Variants in SLC9C2 observed in about 807,000 individuals in gnomAD.
The protein encoded by SLC9C2 is solute carrier family 9 member C2 (putative).
In SLC9C2, 75 loss-of-function variants were observed where a neutral mutation model predicts 140.2. That is an observed-to-expected ratio of 0.53 (90% CI 0.44 to 0.65). The LOEUF is 0.65. Ranked by LOEUF, SLC9C2 falls within the 30% of genes least tolerant of loss-of-function variation. The probability of loss-of-function intolerance (pLI) is 0.00; values close to 1 mark genes in which losing one functional copy is unlikely to be tolerated. For synonymous variants in SLC9C2, 375 were observed against 420.9 expected (o/e 0.89, Z 1.34); for missense variants, 1,074 against 1,331.8 (o/e 0.81, Z 3.01).
chr1:173,529,114 G>A (rs555749658), intron 18 of SLC9C2, among the ~76,000 whole-genome samples: 1 of 152,262 alleles, frequency 6.6e-6, no homozygotes, highest in East Asian at 1.9e-4. Flanking sequence ...TAGATGGGTT[G>A]AACAGAAGAA....
intron 14 of SLC9C2, 94 bp from the exon 15 acceptor site, chr1:173,536,043 T>A: frequency 9.0e-7 from 1 of 1,113,286 alleles, no homozygotes; most frequent in Non-Finnish European, 1.2e-6. Flanking sequence ...AGTATAAATT[T>A]AATATGGACC....
At chr1:173,508,015 C>T (rs559925905) in intron 24 of SLC9C2, among the ~76,000 whole-genome samples, 1 of 152,242 alleles carries the variant, frequency 6.6e-6, no homozygotes, top group East Asian at 1.9e-4. Context: ...CATCTCCACC[C>T]CCATTCAGGG....
At chr1:173,598,150 G>T in intron 3 of SLC9C2, 118 bp from the exon 4 acceptor site, 1 of 1,124,484 alleles carries the variant, frequency 8.9e-7, no homozygotes. Flanking sequence ...GCTAACGAGA[G>T]AGTATCTACA....
At chr1:173,547,001 T>C (rs147632173) in intron 13 of SLC9C2, among the ~76,000 whole-genome samples, 50 of 152,216 alleles carry the variant, frequency 3.3e-4, no homozygotes, top group African/African-American at 1.1e-3. Flanking sequence ...GATGGGTACA[T>C]GAGGATTTAT....
rs141351620 is a variant in SLC9C2, at chr1:173,524,857, A to T, written c.2436T>A (p.Ile812=). 2.5e-6 allele frequency: 4 copies of T among 1,614,022 alleles called. No individual in the cohort carries two copies. In the African/African-American group the frequency reaches 5.3e-5, roughly 22 times the overall value. The change falls in exon 20 of 28, where the codon ATT becomes ATA. Residue 812 remains isoleucine (I), a synonymous_variant. Transcript: ENST00000367714. ...LKTKQAIRNV[I]AKALKNLTFL... ...AGGTGAGATTTTTTAGAGCTTTAGC[A>T]ATCACATTCCGGATTGCCTGTTTAG...
chr1:173,535,802 G>C (rs1553251276), intron 15 of SLC9C2, 28 bp downstream of exon 15: 7 of 1,466,746 alleles, frequency 4.8e-6, no homozygotes, highest in Non-Finnish European at 6.4e-6. Context: ...TTTCAAGTAT[G>C]TTTCTATTAA....
rs1333913877 is a variant in SLC9C2, at chr1:173,521,292, G to C, written c.2739+9C>G. 1.5e-6 allele frequency: 2 copies of C among 1,330,902 alleles called. No homozygotes were observed. Among genetic ancestry groups the C allele is most frequent in the Non-Finnish European group, 2.0e-6 (2 of 975,688 alleles). The allele number at this position is 1,330,902 out of a possible 1,614,324, so 82.4% of individuals were successfully genotyped here. A position where few individuals can be genotyped will look rare whatever the true frequency, so the allele number is the denominator to read the frequency against. On this transcript the variant is annotated intron_variant, in intron 22 of 27. Transcript: ENST00000367714. ...GTAAAAAAAAAAAAAAAAATCAATA[G>C]TCCCTTACAATTGCCATTCCTGAAA...
chr1:173,543,753 G>A (rs1377982994), intron 13 of SLC9C2, among the ~76,000 whole-genome samples: 1 of 152,190 alleles, frequency 6.6e-6, no homozygotes, highest in African/African-American at 2.4e-5. Context: ...AAGCAATGGG[G>A]AAAGGATTCC....
chr1:173,563,241 A>G (rs1303095169), intron 9 of SLC9C2, among the ~76,000 whole-genome samples: 1 of 151,890 alleles, frequency 6.6e-6, no homozygotes, highest in Admixed American at 6.6e-5. Flanking sequence ...AGTGTTCCAC[A>G]AGGTCTTTAT....
intron 9 of SLC9C2, among the ~76,000 whole-genome samples, chr1:173,569,158 C>T (rs10912649): frequency 0.41 from 61,827 of 151,648 alleles, 15,568 homozygotes; most frequent in African/African-American, 0.69. Context: ...AGGTTTCCAC[C>T]GAAAAGTCTG....
At chr1:173,522,958 CTG>C (rs372766427) in intron 21 of SLC9C2, among the ~76,000 whole-genome samples, 2 of 152,232 alleles carry the variant, frequency 1.3e-5, no homozygotes, top group African/African-American at 4.8e-5. Flanking sequence ...CATGGCCGCT[CTG>C]TGTTACCTTT....
rs58355008 is a variant in SLC9C2, at chr1:173,521,885, C to CAAAAAAAA, written c.2641-494_2641-487dup. 2.1e-4 allele frequency among the ~76,000 whole-genome samples: 16 copies of CAAAAAAAA among 76,938 alleles called. 1 individual carries two copies. Among genetic ancestry groups the CAAAAAAAA allele is most frequent in the East Asian group, 1.7e-3 (5 of 2,868 alleles). 50.5% of individuals were successfully genotyped at this position (76,938 alleles called of 152,430 possible). ...AAGAAGACAGGGACAGGGCGCTATG[C>CAAAAAAAA]AAAAAAAAAAAAAAAAAAAAAAATG... On this transcript the variant is annotated intron_variant, in intron 21 of 27. Coordinates refer to ENST00000367714, the MANE Select transcript of SLC9C2 (RefSeq NM_178527.4).
intron 4 of SLC9C2, among the ~76,000 whole-genome samples, chr1:173,588,643 T>G (rs188099387): frequency 6.9e-6 from 1 of 145,058 alleles, no homozygotes; most frequent in East Asian, 1.9e-4. Flanking sequence ...TTATTATTTA[T>G]ATGTTACTAG....
At chr1:173,551,401 G>A (rs947606080) in intron 11 of SLC9C2, among the ~76,000 whole-genome samples, 5 of 152,152 alleles carry the variant, frequency 3.3e-5, no homozygotes, top group Non-Finnish European at 7.3e-5. Flanking sequence ...GTGCAGGCAT[G>A]CCTTATCTCA....
At chr1:173,508,826 T>C (rs1157157336) in intron 24 of SLC9C2, among the ~76,000 whole-genome samples, 2 of 152,216 alleles carry the variant, frequency 1.3e-5, no homozygotes, top group Non-Finnish European at 2.9e-5. Context: ...CTTGAACCAC[T>C]ACTCTTTGGA....
In SLC9C2 at chr1:173,594,016, C is replaced by G. The variant is rs78283687; in HGVS notation, c.357+3888G>C. On this transcript the variant is annotated intron_variant, in intron 4 of 27. Transcript: ENST00000367714. ...GTACAGAACACCAAAGAAAAAGAGA[C>G]AATCTGAAAAGAGAGAAAAGACAGG... is the stretch of plus-strand genomic sequence containing the variant. Among the ~76,000 whole-genome samples, 1,288 of 152,154 alleles carry G rather than the reference C, an allele frequency of 8.5e-3. 17 individuals carry two copies. The highest frequency in any genetic ancestry group is 0.029 in the African/African-American group (1,206 of 41,514).
chr1:173,543,251 A>G (rs1399460591), intron 13 of SLC9C2, among the ~76,000 whole-genome samples: 2 of 152,212 alleles, frequency 1.3e-5, no homozygotes, highest in African/African-American at 2.4e-5. Context: ...ACTCCCATTC[A>G]CTATTGCTAC....
Position 173,525,818 on chromosome 1 carries a change from C to T in SLC9C2, c.2365+845G>A, listed in dbSNP as rs895971337. On this transcript the variant is annotated intron_variant, in intron 19 of 27. Transcript: ENST00000367714. Reference sequence around the variant, plus strand: ...TAATATAATGCAGCTGTCCTAACCCCTAATCTTTAAAAGCACAGAAATAAA... The same window carrying T: ...TAATATAATGCAGCTGTCCTAACCCTTAATCTTTAAAAGCACAGAAATAAA... Among the ~76,000 whole-genome samples the T allele has an allele frequency of 2.0e-5, 3 of 152,278 alleles. No individual in the cohort carries two copies. In the East Asian group the frequency reaches 5.8e-4, roughly 29 times the overall value.
At chr1:173,524,162 T>C in intron 20 of SLC9C2, 68 bp from the exon 21 acceptor site, 1 of 1,401,578 alleles carries the variant, frequency 7.1e-7, no homozygotes, top group South Asian at 1.4e-5. Context: ...AGGGAAAAAC[T>C]AAGGAAATCT....
Sources: allele counts gnomAD v4.1 joint callset (sites outside exome capture counted in the v4.1 genomes callset), GRCh38; gene constraint gnomAD v4.1.1; transcripts MANE v1.5; gene names NCBI Gene and HGNC (gene_info 2026-07-23, HGNC 2026-07-21).